Variants in HPGD observed in about 807,000 individuals in gnomAD.
HPGD encodes the protein 15-hydroxyprostaglandin dehydrogenase.
Under a neutral mutation model 30.0 loss-of-function variants are expected in HPGD, and 29 were observed. The observed-to-expected ratio is 0.97, with a 90% CI of 0.72 to 1.32. The LOEUF is 1.32. Among genes scored for constraint, HPGD ranks in the 40% most tolerant of loss-of-function variants. The probability of loss-of-function intolerance (pLI) is 0.00; values close to 1 mark genes in which losing one functional copy is unlikely to be tolerated. For missense variants in HPGD, 340 were observed against 322.1 expected (o/e 1.06, Z -0.43); for synonymous variants, 99 against 112.4 (o/e 0.88, Z 0.75).
At chr4:174,500,703 A>G (rs947537022) in intron 4 of HPGD, among the ~76,000 whole-genome samples, 7 of 152,198 alleles carry the variant, frequency 4.6e-5, no homozygotes, top group African/African-American at 1.7e-4. Context: ...AACTATGGAG[A>G]CAGTTGAAAG....
At chr4:174,505,670 G>C (rs1277222420) in intron 4 of HPGD, among the ~76,000 whole-genome samples, 1 of 152,166 alleles carries the variant, frequency 6.6e-6, no homozygotes, top group East Asian at 1.9e-4. Context: ...TGAGTTGAAG[G>C]CATGTTAGTG....
At chr4:174,502,684 A>G in intron 4 of HPGD, among the ~76,000 whole-genome samples, 1 of 151,560 alleles carries the variant, frequency 6.6e-6, no homozygotes, top group East Asian at 1.9e-4. Context: ...TCTCAAAAAA[A>G]AAAAAAAAAA....
At chr4:174,511,846 T>C (rs45445591) in intron 3 of HPGD, among the ~76,000 whole-genome samples, 32,687 of 151,896 alleles carry the variant, frequency 0.22, 4,335 homozygotes, top group Non-Finnish European at 0.3. Context: ...CGGGGTTTCA[T>C]CGTGTTAGCC....
chr4:174,522,086 G>T lies in HPGD; in HGVS notation c.94-19C>A, dbSNP rs756724701. On this transcript the variant is annotated intron_variant, in intron 1 of 6. Transcript: ENST00000296522. ...GCGCTACCTATAGACAAGAGGAGAGGAATCGCGGGCCTGCGCAGCTCACGA... is the reference window on the plus strand; with the variant it reads ...GCGCTACCTATAGACAAGAGGAGAGTAATCGCGGGCCTGCGCAGCTCACGA... 1.2e-5 allele frequency: 19 copies of T among 1,614,092 alleles called. No homozygotes were observed. The highest frequency in any genetic ancestry group is 1.6e-5 in the Non-Finnish European group (19 of 1,179,992).
chr4:174,515,088 T>C (rs1477914310), intron 3 of HPGD, among the ~76,000 whole-genome samples: 1 of 152,174 alleles, frequency 6.6e-6, no homozygotes. Flanking sequence ...ATGGCCATAC[T>C]GCTCAAAGCA....
rs983644308 is a variant in HPGD, at chr4:174,502,548, G to A, written c.421+6148C>T. Among the ~76,000 whole-genome samples, 3 of 152,096 alleles carry A rather than the reference G, an allele frequency of 2.0e-5. No individual in the cohort carries two copies. The East Asian group carries it at 5.8e-4, about 30-fold the overall frequency. On this transcript the variant is annotated intron_variant, in intron 4 of 6. Coordinates refer to ENST00000296522, the MANE Select transcript of HPGD (RefSeq NM_000860.6). ...AAAAAATTAGCCAGGCGTGGTGGCG[G>A]GCGCCTGTAGTCTCAGCTACTCAGG...
chr4:174,502,485 T>C lies in HPGD; in HGVS notation c.421+6211A>G, dbSNP rs1204805019. On this transcript the variant is annotated intron_variant, in intron 4 of 6. Coordinates refer to ENST00000296522, the MANE Select transcript of HPGD (RefSeq NM_000860.6). ...CGAGGTCAGGAGATGGTGACCATCC[T>C]GGCTAACACGGTGAAACCCCGTCTC... Among the ~76,000 whole-genome samples the C allele has an allele frequency of 3.3e-5, 5 of 152,178 alleles. No homozygotes were observed. The East Asian group carries it at 5.8e-4, about 18-fold the overall frequency.
At chr4:174,495,681 C>A (rs1315844530) in intron 4 of HPGD, 57 bp from the exon 5 acceptor site, 6 of 1,137,906 alleles carry the variant, frequency 5.3e-6, no homozygotes, top group African/African-American at 3.0e-5. Context: ...GTAGACTATA[C>A]CCAGTAATGA....
Position 174,492,172 on chromosome 4 carries a change from A to C in HPGD, c.663-78T>G. ...CTTCATTTTAAGTTATTTTCTGAAG[A>C]ATCTATTAAGTTGAACATGTTATAG... On this transcript the variant is annotated intron_variant, in intron 6 of 6. Transcript: ENST00000296522. The surrounding 1 kb of genome is among the most constrained non-coding windows in gnomAD (Gnocchi z 4.9). The C allele has an allele frequency of 7.3e-7, 1 of 1,361,234 alleles. No homozygotes were observed. The allele number at this position is 1,361,234 out of a possible 1,614,324, so 84.3% of individuals were successfully genotyped here.
Position 174,492,777 on chromosome 4 carries a change from T to C in HPGD, c.662+374A>G, listed in dbSNP as rs45498507. 3.9e-5 allele frequency among the ~76,000 whole-genome samples: 6 copies of C among 152,070 alleles called. 1 individual carries two copies. The highest frequency in any genetic ancestry group is 3.3e-4 in the Admixed American group (5 of 15,250). On this transcript the variant is annotated intron_variant, in intron 6 of 6. Transcript: ENST00000296522. This position sits in a 1 kb window ranked among gnomAD's most constrained non-coding sequence, Gnocchi z 4.9. ...GAAAGTATGTGTCCATGTATGTGTG[T>C]GTATCAACTATTTCTTATAAAAGTG...
rs1734470893 is a variant in HPGD, at chr4:174,494,106, A to G, written c.499-792T>C. Among the ~76,000 whole-genome samples the G allele has an allele frequency of 1.3e-5, 2 of 152,168 alleles. No homozygotes were observed. The highest frequency in any genetic ancestry group is 4.1e-4 in the South Asian group (2 of 4,828). ...AAATGGCTGCCAAACCCACTGCAGA[A>G]GTGCTGTGTAGTGTTCCTTAGTGTA... On this transcript the variant is annotated intron_variant, in intron 5 of 6. Coordinates refer to ENST00000296522, the MANE Select transcript of HPGD (RefSeq NM_000860.6). This position sits in a 1 kb window ranked among gnomAD's most constrained non-coding sequence, Gnocchi z 4.9.
chr4:174,502,788 A>T (rs1243934612), intron 4 of HPGD, among the ~76,000 whole-genome samples: 2 of 152,162 alleles, frequency 1.3e-5, no homozygotes, highest in East Asian at 3.9e-4. Context: ...TGACTCAGAC[A>T]GTTGCTACTA....
chr4:174,516,524 T>A (rs1397403651), intron 3 of HPGD, among the ~76,000 whole-genome samples: 1 of 152,094 alleles, frequency 6.6e-6, no homozygotes, highest in Non-Finnish European at 1.5e-5. Context: ...GGGAAAACTA[T>A]CTATGGGTTG....
chr4:174,498,021 T>A (rs1172607719), intron 4 of HPGD, among the ~76,000 whole-genome samples: 2 of 151,672 alleles, frequency 1.3e-5, no homozygotes. Context: ...GGACCATGGC[T>A]TACTGAAGCC....
intron 3 of HPGD, among the ~76,000 whole-genome samples, chr4:174,517,327 C>G (rs1253374527): frequency 2.0e-5 from 3 of 151,920 alleles, no homozygotes; most frequent in African/African-American, 7.2e-5. Flanking sequence ...AAAAGTCCTA[C>G]TAATTACAAA....
Position 174,517,987 on chromosome 4 carries a change from G to T in HPGD, c.308C>A (p.Thr103Asn). 1 of 1,563,972 alleles carries T rather than the reference G, an allele frequency of 6.4e-7. No homozygotes were observed. The highest frequency in any genetic ancestry group is 1.1e-5 in the South Asian group (1 of 89,940). The change falls in exon 3 of 7, where the codon ACT becomes AAT. Residue 103 changes from threonine to asparagine, a missense_variant. Thr to Asn is a moderately conservative substitution (Grantham distance 65). Transcript: ENST00000296522. ...GVNNEKNWEK[T>N]LQINLVSVIS... is the part of the protein sequence containing the mutation. ...ATAACTCACCAAATTAATTTGCAGAGTTTTTTCCCAGTTTTTCTCATTATT... is the reference window on the plus strand; with the variant it reads ...ATAACTCACCAAATTAATTTGCAGATTTTTTTCCCAGTTTTTCTCATTATT...
chr4:174,504,404 A>G (rs535064790), intron 4 of HPGD, among the ~76,000 whole-genome samples: 1 of 152,252 alleles, frequency 6.6e-6, no homozygotes, highest in African/African-American at 2.4e-5. Flanking sequence ...ACAAAATGCT[A>G]CTGAGTGACA....
chr4:174,508,489 A>G (rs1307173489), intron 4 of HPGD, among the ~76,000 whole-genome samples: 1 of 152,208 alleles, frequency 6.6e-6, no homozygotes, highest in Non-Finnish European at 1.5e-5. Context: ...CAGTAAGATA[A>G]CTTTAAAAGC....
chr4:174,521,480 C>T (rs1736116072), intron 2 of HPGD, among the ~76,000 whole-genome samples: 1 of 152,186 alleles, frequency 6.6e-6, no homozygotes, highest in Non-Finnish European at 1.5e-5. Context: ...AAGCATCTAG[C>T]ACTTCTGTGA....
Sources: gnomAD v4.1 joint callset for allele counts (sites outside exome capture counted in the v4.1 genomes callset) on GRCh38, gnomAD v4.1.1 for gene constraint, Gnocchi (gnomAD v3.1) non-coding constraint, MANE v1.5 for transcripts, NCBI Gene and HGNC (gene_info 2026-07-23, HGNC 2026-07-21) for gene names.